Variants in IL1RL1 observed in about 807,000 individuals in gnomAD.
IL1RL1 encodes interleukin-1 receptor-like 1.
A neutral mutation model predicts 50.9 loss-of-function variants in IL1RL1; 32 were observed. That is an observed-to-expected ratio of 0.63 (90% CI 0.47 to 0.84). The LOEUF is 0.84. Ranked by LOEUF, IL1RL1 falls within the 40% of genes least tolerant of loss-of-function variation. IL1RL1 has a pLI of 0.00. For synonymous variants in IL1RL1, 275 were observed against 236.0 expected, an observed-to-expected ratio of 1.17 and a Z score of -1.51; for missense variants, 773 against 662.9, an observed-to-expected ratio of 1.17 and a Z score of -1.82.
At chr2:102,328,539 T>A (rs1031961679) in intron 1 of IL1RL1, among the ~76,000 whole-genome samples, 5 of 152,180 alleles carry the variant, frequency 3.3e-5, no homozygotes, top group Admixed American at 1.3e-4. Flanking sequence ...TAAAGGGTAT[T>A]CAATTAGGAA....
chr2:102,342,273 G>T lies in IL1RL1; in HGVS notation c.661G>T (p.Glu221Ter). 3 of 1,610,752 alleles carry T rather than the reference G, an allele frequency of 1.9e-6. No homozygotes were observed. Among genetic ancestry groups the T allele is most frequent in the Non-Finnish European group, 1.7e-6 (2 of 1,177,178 alleles). ...FPVIGAPAQN[E>*]IKEVEIGKNA... Reference sequence around the variant, plus strand: ...AGTAATCGGAGCCCCTGCACAAAATGAAATAAAGGAAGTGGAAATTGGTAA... The same window carrying T: ...AGTAATCGGAGCCCCTGCACAAAATTAAATAAAGGAAGTGGAAATTGGTAA... Residue 221 changes from glutamate to a stop codon, truncating the protein, a stop_gained, in exon 6 of 11, where the codon GAA (glutamate) becomes TAA (stop). Transcript: ENST00000233954. LOFTEE classifies it high-confidence loss of function.
At chr2:102,326,555 G>C (rs1339285664) in intron 1 of IL1RL1, among the ~76,000 whole-genome samples, 1 of 152,064 alleles carries the variant, frequency 6.6e-6, no homozygotes, top group African/African-American at 2.4e-5. Flanking sequence ...GACACAGACT[G>C]GCAAATTGGA....
At chr2:102,338,367 T>G in intron 2 of IL1RL1, 42 bp downstream of exon 2, 1 of 1,174,068 alleles carries the variant, frequency 8.5e-7, no homozygotes, top group Non-Finnish European at 1.2e-6. Flanking sequence ...TTTTATAAAT[T>G]AAATAATTTC....
intron 1 of IL1RL1, among the ~76,000 whole-genome samples, chr2:102,335,831 C>T (rs899231358): frequency 6.6e-6 from 1 of 152,166 alleles, no homozygotes; most frequent in African/African-American, 2.4e-5. Flanking sequence ...GAATCGCAGG[C>T]AGCATTGCAG....
intron 1 of IL1RL1, among the ~76,000 whole-genome samples, chr2:102,319,415 C>G (rs952145796): frequency 1.3e-5 from 2 of 151,934 alleles, no homozygotes; most frequent in Admixed American, 1.3e-4. Flanking sequence ...ACAGTGCAGT[C>G]ACAGAAGAGA....
At chr2:102,321,968 A>G (rs74909818) in intron 1 of IL1RL1, among the ~76,000 whole-genome samples, 1,765 of 152,348 alleles carry the variant, frequency 0.012, 8 homozygotes, top group Non-Finnish European at 0.021. Context: ...AGAATTCTCC[A>G]GAGAGACAGA....
At chr2:102,351,446 A>G in intron 10 of IL1RL1, 90 bp from the exon 11 acceptor site, 3 of 1,188,100 alleles carry the variant, frequency 2.5e-6, no homozygotes, top group Non-Finnish European at 3.6e-6. Flanking sequence ...CTCACACCAG[A>G]TTATAACAAT....
intron 8 of IL1RL1, chr2:102,345,999 C>T: frequency 1.0e-6 from 1 of 984,806 alleles, no homozygotes; most frequent in Non-Finnish European, 1.2e-6. Flanking sequence ...TGATTTTGCT[C>T]CTTCTAGCTT....
intron 1 of IL1RL1, among the ~76,000 whole-genome samples, chr2:102,323,628 C>T (rs2104966242): frequency 6.6e-6 from 1 of 151,954 alleles, no homozygotes; most frequent in South Asian, 2.1e-4. Flanking sequence ...ACAGCCAGCT[C>T]CCATGGGAAG....
chr2:102,315,728 A>T (rs948681591), intron 1 of IL1RL1, among the ~76,000 whole-genome samples: 1 of 152,172 alleles, frequency 6.6e-6, no homozygotes, highest in African/African-American at 2.4e-5. Flanking sequence ...GAACGTACAC[A>T]CCAACTCTCA....
intron 8 of IL1RL1, chr2:102,345,544 C>T: frequency 1.0e-6 from 1 of 985,350 alleles, no homozygotes; most frequent in Non-Finnish European, 1.2e-6. Flanking sequence ...CATCCAGATA[C>T]ACAGAGAGAG....
At chr2:102,323,009 G>T (rs1275060232) in intron 1 of IL1RL1, among the ~76,000 whole-genome samples, 2 of 152,010 alleles carry the variant, frequency 1.3e-5, no homozygotes, top group Non-Finnish European at 2.9e-5. Context: ...GTTTTTGACA[G>T]TCATCCTATG....
At chr2:102,342,134 T>C in intron 5 of IL1RL1, 89 bp from the exon 6 acceptor site, 8 of 868,046 alleles carry the variant, frequency 9.2e-6, no homozygotes, top group Non-Finnish European at 1.5e-5. Context: ...AACATTGCTA[T>C]GAAATAGAAT....
intron 1 of IL1RL1, among the ~76,000 whole-genome samples, chr2:102,322,143 G>C (rs898619655): frequency 2.0e-5 from 3 of 152,180 alleles, no homozygotes; most frequent in African/African-American, 7.2e-5. Flanking sequence ...TGGTGTTGTA[G>C]TCTTGACTCT....
chr2:102,330,286 A>G (rs1158549618), intron 1 of IL1RL1, among the ~76,000 whole-genome samples: 3 of 151,232 alleles, frequency 2.0e-5, no homozygotes, highest in East Asian at 2.0e-4. Flanking sequence ...TGGGAATTGG[A>G]CAATGAGAAC....
intron 1 of IL1RL1, among the ~76,000 whole-genome samples, chr2:102,315,372 G>C (rs934136016): frequency 2.0e-5 from 3 of 152,100 alleles, no homozygotes; most frequent in Non-Finnish European, 4.4e-5. Flanking sequence ...TGTACCTTTT[G>C]CTGCAATCTT....
At chr2:102,331,905 G>A (rs940730979) in intron 1 of IL1RL1, among the ~76,000 whole-genome samples, 5 of 151,648 alleles carry the variant, frequency 3.3e-5, no homozygotes, top group Admixed American at 6.6e-5. Context: ...CCATCTCTAC[G>A]AAAAATACAA....
At chr2:102,340,950 T>C (rs1168603351) in intron 5 of IL1RL1, 122 bp downstream of exon 5, 1 of 772,390 alleles carries the variant, frequency 1.3e-6, no homozygotes, top group Non-Finnish European at 2.0e-6. Context: ...TCCTGCTCCA[T>C]CTTATCTTAT....
rs943313765 is a variant in IL1RL1 at position 102,324,110 on chromosome 2, G to A, written c.-150+12487G>A. 2.7e-5 allele frequency among the ~76,000 whole-genome samples: 4 copies of A among 149,252 alleles called. No homozygotes were observed. The Admixed American group carries it at 2.7e-4, about 10-fold the overall frequency. On this transcript the variant is annotated intron_variant, in intron 1 of 10. Transcript: ENST00000233954. ...GTCATTGGTCTTGTTTCCAGTATTT[G>A]GCTATATGAATTGAACTGGTATGAA... is the stretch of plus-strand genomic sequence containing the variant.
Sources: allele counts gnomAD v4.1 joint callset (sites outside exome capture counted in the v4.1 genomes callset), GRCh38; gene constraint gnomAD v4.1.1; transcripts MANE v1.5; gene names NCBI Gene and HGNC (gene_info 2026-07-23, HGNC 2026-07-21).